The following FAM47B variants were observed in gnomAD, a reference collection of about 807,000 sequenced individuals.
The protein encoded by FAM47B is family with sequence similarity 47 member B.
For missense variants in FAM47B, 581 were observed against 550.1 expected (o/e 1.06, Z -0.56); for synonymous variants, 247 against 215.8 (o/e 1.14, Z -1.27).
At position 34,944,685 on chromosome X, in the gene FAM47B, C is replaced by T. The variant is rs761991298; in HGVS notation, c.1854C>T (p.Tyr618=). The change falls in exon 1 of 1, where the codon TAC becomes TAT. Residue 618 remains tyrosine (Y), a synonymous_variant. Coordinates refer to ENST00000329357, the MANE Select transcript of FAM47B (RefSeq NM_152631.3). ...TGTTTGCCAAGAAGGGATGGACTTA[C>T]GACTCTGTTAAGACTCCTATTCAAC... ...EKLFAKKGWT[Y]DSVKTPIQRA... The T allele has an allele frequency of 1.9e-5, 23 of 1,208,815 alleles. No individual in the cohort carries two copies. Among genetic ancestry groups the T allele is most frequent in the Middle Eastern group, 2.3e-4 (1 of 4,366 alleles).
Position 34,943,084 on chromosome X carries a change from G to A in FAM47B, c.253G>A (p.Gly85Ser), listed in dbSNP as rs189661576. The A allele has an allele frequency of 6.1e-4, 738 of 1,210,094 alleles. 6 individuals carry two copies. In the East Asian group the frequency reaches 0.02, roughly 33 times the overall value. The stretch of plus-strand genomic sequence containing the variant: ...TTTACTCCCCAAAATATCTCTCAGA[G>A]GTCCCCAAGCTGACCGCAAAAGCAG... ...EFLLPKISLR[G>S]PQADRKSRKK... is the part of the protein sequence containing the mutation. The change falls in exon 1 of 1, where the codon GGT becomes AGT. Residue 85 changes from glycine to serine, a missense_variant. Coordinates refer to ENST00000329357, the MANE Select transcript of FAM47B (RefSeq NM_152631.3).
chrX:34,944,870 A>T lies in FAM47B; in HGVS notation c.*101A>T, dbSNP rs963411302. Reference sequence around the variant, plus strand: ...GCCCCGTGAATGTACAACTTTGGCAACATCTGTAAATTCAATACCCAATGC... The same window carrying T: ...GCCCCGTGAATGTACAACTTTGGCATCATCTGTAAATTCAATACCCAATGC... On this transcript the variant is annotated 3_prime_UTR_variant, in exon 1 of 1. Transcript: ENST00000329357. 6.3e-6 allele frequency: 6 copies of T among 955,241 alleles called. No homozygotes were observed. The highest frequency in any genetic ancestry group is 8.5e-6 in the Non-Finnish European group (6 of 709,619). The allele number at this position is 955,241 out of a possible 1,213,427, so 78.7% of individuals were successfully genotyped here.
chrX:34,943,996 C>T lies in FAM47B; in HGVS notation c.1165C>T (p.Pro389Ser), dbSNP rs1204465707. 3 of 1,210,947 alleles carry T rather than the reference C, an allele frequency of 2.5e-6. No homozygotes were observed. Among genetic ancestry groups the T allele is most frequent in the East Asian group, 3.0e-5 (1 of 33,770 alleles). ...CCATTTTTGGGAATCCTGTCCGCGG[C>T]CTTTTGAGAGTCGGATGCCCCATCT... ...KYHFWESCPR[P>S]FESRMPHLRL... is the part of the protein sequence containing the mutation. Residue 389 changes from proline (P) to serine (S), a missense_variant, in exon 1 of 1, where the codon CCT becomes TCT. Transcript: ENST00000329357.
At position 34,943,712 on chromosome X, in the gene FAM47B, A is replaced by G; in HGVS notation, c.881A>G (p.His294Arg). 1 of 1,200,436 alleles carries G rather than the reference A, an allele frequency of 8.3e-7. No individual in the cohort carries two copies. The highest frequency in any genetic ancestry group is 1.1e-6 in the Non-Finnish European group (1 of 891,873). ...CPEPPETRVS[H>R]LHPEPPETGV... ...GAGCCTCCCGAGACTCGCGTATCTC[A>G]TCTCCACCCGGAGCCTCCTGAGACT... Residue 294 changes from histidine to arginine, a missense_variant, in exon 1 of 1, where the codon CAT becomes CGT. Coordinates refer to ENST00000329357, the MANE Select transcript of FAM47B (RefSeq NM_152631.3).
In FAM47B at chrX:34,944,621, T is replaced by C. The variant is rs1421136474; in HGVS notation, c.1790T>C (p.Leu597Pro). The C allele has an allele frequency of 8.3e-7, 1 of 1,209,779 alleles. No homozygotes were observed. The highest frequency in any genetic ancestry group is 1.1e-6 in the Non-Finnish European group (1 of 895,178). The stretch of plus-strand genomic sequence containing the variant: ...CCAATTGCCTTTAAGGATTTCATTC[T>C]AAGCAAGGGCTACAGAATGCCTGGC... ...YGPIAFKDFILSKGYRMPGVI... is the reference protein window; with the variant it reads ...YGPIAFKDFIPSKGYRMPGVI... Residue 597 changes from leucine (L) to proline (P), a missense_variant, in exon 1 of 1, where the codon CTA becomes CCA. Leu to Pro is a moderately conservative substitution (Grantham distance 98). Transcript: ENST00000329357.
In FAM47B at chrX:34,944,081, C is replaced by T; in HGVS notation, c.1250C>T (p.Thr417Ile). ...MASLCLKPPK[T>I]RRVSSLCPEP... is the part of the protein sequence containing the mutation. ...AGTCTCTGCCTGAAGCCTCCCAAGA[C>T]TCGTCGGGTGTCCAGTCTCTGCCCG... The change falls in exon 1 of 1, where the codon ACT becomes ATT. Residue 417 changes from threonine (T) to isoleucine (I), a missense_variant. Physicochemically the swap from Thr to Ile is moderately conservative, Grantham distance 89. Coordinates refer to ENST00000329357, the MANE Select transcript of FAM47B (RefSeq NM_152631.3). The T allele has an allele frequency of 8.3e-7, 1 of 1,201,719 alleles. No homozygotes were observed. Among genetic ancestry groups the T allele is most frequent in the Non-Finnish European group, 1.1e-6 (1 of 892,251 alleles).
chrX:34,944,773 G>T lies in FAM47B; in HGVS notation c.*4G>T, dbSNP rs1303859725. 5 of 1,138,643 alleles carry T rather than the reference G, an allele frequency of 4.4e-6. No homozygotes were observed. The highest frequency in any genetic ancestry group is 1.8e-5 in the African/African-American group (1 of 54,455). 93.8% of individuals were successfully genotyped at this position (1,138,643 alleles called of 1,213,427 possible). On this transcript the variant is annotated 3_prime_UTR_variant, in exon 1 of 1. Transcript: ENST00000329357. Reference sequence around the variant, plus strand: ...AGATGCATCAAAAGAAGATTAGATGGTTTTCAATTTACTGCTTAATTGGGT... The same window carrying T: ...AGATGCATCAAAAGAAGATTAGATGTTTTTCAATTTACTGCTTAATTGGGT...
Position 34,944,806 on chromosome X carries a change from G to A in FAM47B, c.*37G>A. The A allele has an allele frequency of 8.9e-7, 1 of 1,120,981 alleles. No homozygotes were observed. The highest frequency in any genetic ancestry group is 1.2e-6 in the Non-Finnish European group (1 of 849,673). 92.4% of individuals were successfully genotyped at this position (1,120,981 alleles called of 1,213,427 possible). ...TTTACTGCTTAATTGGGTATTTCTT[G>A]CTCTCATTCTAAACATCAATCAGAA... On this transcript the variant is annotated 3_prime_UTR_variant, in exon 1 of 1. Transcript: ENST00000329357.
rs769963911 is a variant in FAM47B, at chrX:34,942,870, A to G, written c.39A>G (p.Gln13=). Residue 13 remains glutamine (Q), a synonymous_variant, in exon 1 of 1, where the codon CAA becomes CAG. Coordinates refer to ENST00000329357, the MANE Select transcript of FAM47B (RefSeq NM_152631.3). ...DRRPQDRPRS[Q]GMDSKPWYCD... is the part of the protein sequence containing the mutation. ...GGCCACAGGACCGGCCAAGGTCCCA[A>G]GGCATGGACTCCAAGCCCTGGTACT... is the stretch of plus-strand genomic sequence containing the variant. 1.3e-5 allele frequency: 16 copies of G among 1,208,696 alleles called. No individual in the cohort carries two copies. Among genetic ancestry groups the G allele is most frequent in the Middle Eastern group, 2.3e-4 (1 of 4,363 alleles).
Position 34,944,847 on chromosome X carries a change from C to A in FAM47B, c.*78C>A. On this transcript the variant is annotated 3_prime_UTR_variant, in exon 1 of 1. Transcript: ENST00000329357. ...TCAATCAGAATTTATGATGACTGGC[C>A]CCGTGAATGTACAACTTTGGCAACA... 1 of 1,053,332 alleles carries A rather than the reference C, an allele frequency of 9.5e-7. No individual in the cohort carries two copies. Among genetic ancestry groups the A allele is most frequent in the Non-Finnish European group, 1.3e-6 (1 of 793,700 alleles). The allele number at this position is 1,053,332 out of a possible 1,213,427, so 86.8% of individuals were successfully genotyped here. A position where few individuals can be genotyped will look rare whatever the true frequency, so the allele number is the denominator to read the frequency against.
In FAM47B at chrX:34,944,415, G is replaced by T. The variant is rs765337699; in HGVS notation, c.1584G>T (p.Trp528Cys). The change falls in exon 1 of 1, where the codon TGG becomes TGT. Residue 528 changes from tryptophan to cysteine, a missense_variant. Coordinates refer to ENST00000329357, the MANE Select transcript of FAM47B (RefSeq NM_152631.3). Reference protein sequence around the residue: ...DEVEFLRIKYWDRRRRAAPHS... With the variant: ...DEVEFLRIKYCDRRRRAAPHS... ...TCGAATTCTTACGGATAAAATACTGGGACAGGAGACGCCGGGCGGCACCGC... is the reference window on the plus strand; with the variant it reads ...TCGAATTCTTACGGATAAAATACTGTGACAGGAGACGCCGGGCGGCACCGC... 1.7e-6 allele frequency: 2 copies of T among 1,211,762 alleles called. No homozygotes were observed. Among genetic ancestry groups the T allele is most frequent in the Non-Finnish European group, 2.2e-6 (2 of 895,493 alleles).
In FAM47B at chrX:34,943,790, G is replaced by T. The variant is rs1245528467; in HGVS notation, c.959G>T (p.Cys320Phe). ...TCCAAGACTCAGGTGTCCAGTCTCT[G>T]CCCGGAGCCTCCCGAGGCTGGAGTG... is the stretch of plus-strand genomic sequence containing the variant. ...EPSKTQVSSLCPEPPEAGVSH... is the reference protein window; with the variant it reads ...EPSKTQVSSLFPEPPEAGVSH... The change falls in exon 1 of 1, where the codon TGC (cysteine) becomes TTC (phenylalanine). Residue 320 changes from cysteine (C) to phenylalanine (F), a missense_variant. Transcript: ENST00000329357. The T allele has an allele frequency of 1.7e-6, 2 of 1,210,148 alleles. No homozygotes were observed. Among genetic ancestry groups the T allele is most frequent in the African/African-American group, 1.7e-5 (1 of 57,211 alleles).
In FAM47B at chrX:34,943,670, C is replaced by T. The variant is rs754680296; in HGVS notation, c.839C>T (p.Ala280Val). 1.2e-5 allele frequency: 14 copies of T among 1,201,134 alleles called. No individual in the cohort carries two copies. In the African/African-American group the frequency reaches 1.8e-4, roughly 16 times the overall value. ...SVHPEPPDTGASHLCPEPPET... is the reference protein window; with the variant it reads ...SVHPEPPDTGVSHLCPEPPET... ...CACCCAGAGCCTCCTGATACTGGAG[C>T]GTCCCATCTCTGCCCGGAGCCTCCC... Residue 280 changes from alanine (A) to valine (V), a missense_variant, in exon 1 of 1, where the codon GCG becomes GTG. Ala to Val is a moderately conservative substitution (Grantham distance 64). Coordinates refer to ENST00000329357, the MANE Select transcript of FAM47B (RefSeq NM_152631.3).
In FAM47B at chrX:34,942,923, C is replaced by T. The variant is rs1602051270; in HGVS notation, c.92C>T (p.Ala31Val). 2 of 1,211,980 alleles carry T rather than the reference C, an allele frequency of 1.7e-6. No individual in the cohort carries two copies. The highest frequency in any genetic ancestry group is 1.7e-5 in the African/African-American group (1 of 57,903). ...YCDKPPSKYF[A>V]KRKHRRLRFP... ...GACAAACCGCCTTCCAAGTACTTCG[C>T]GAAGCGCAAGCACAGGCGCCTGAGG... Residue 31 changes from alanine (A) to valine (V), a missense_variant, in exon 1 of 1, where the codon GCG (alanine) becomes GTG (valine). Ala to Val is a moderately conservative substitution (Grantham distance 64). Coordinates refer to ENST00000329357, the MANE Select transcript of FAM47B (RefSeq NM_152631.3).
Position 34,944,229 on chromosome X carries a change from C to T in FAM47B, c.1398C>T (p.Phe466=), listed in dbSNP as rs1284316128. 5.8e-6 allele frequency: 7 copies of T among 1,211,845 alleles called. No individual in the cohort carries two copies. In the Admixed American group the frequency reaches 8.7e-5, roughly 15 times the overall value. ...RRHTSRKLRD[F]KWAGDLGVNE... The stretch of plus-strand genomic sequence containing the variant: ...ACACATCGAGAAAACTCCGTGACTT[C>T]AAGTGGGCTGGAGACCTAGGAGTTA... Residue 466 remains phenylalanine, a synonymous_variant, in exon 1 of 1, where the codon TTC becomes TTT. Coordinates refer to ENST00000329357, the MANE Select transcript of FAM47B (RefSeq NM_152631.3).
rs759680890 is a variant in FAM47B, at chrX:34,944,705, T to C, written c.1874T>C (p.Ile625Thr). ...ACTTACGACTCTGTTAAGACTCCTA[T>C]TCAACGTGCAGTGCAAGTTTACAAG... ...GWTYDSVKTP[I>T]QRAVQVYKYK... is the part of the protein sequence containing the mutation. Residue 625 changes from isoleucine to threonine, a missense_variant, in exon 1 of 1, where the codon ATT becomes ACT. Coordinates refer to ENST00000329357, the MANE Select transcript of FAM47B (RefSeq NM_152631.3). 1.3e-5 allele frequency: 16 copies of C among 1,198,184 alleles called. No homozygotes were observed. In the East Asian group the frequency reaches 2.7e-4, roughly 20 times the overall value.
Position 34,943,500 on chromosome X carries a change from C to T in FAM47B, c.669C>T (p.Leu223=), listed in dbSNP as rs1293129315. ...CTCCCAAGACTCGGGTGTCCAGTCT[C>T]CGCCCAGAGCCTCCCAAGACTCGGG... ...PEPPKTRVSS[L]RPEPPKTRVS... is the part of the protein sequence containing the mutation. Residue 223 remains leucine, a synonymous_variant, in exon 1 of 1, where the codon CTC becomes CTT. Coordinates refer to ENST00000329357, the MANE Select transcript of FAM47B (RefSeq NM_152631.3). The T allele has an allele frequency of 6.6e-6, 8 of 1,211,212 alleles. No homozygotes were observed. In the Admixed American group the frequency reaches 1.7e-4, roughly 26 times the overall value.
At position 34,944,592 on chromosome X, in the gene FAM47B, T is replaced by C. The variant is rs147094583; in HGVS notation, c.1761T>C (p.Tyr587=). The part of the protein sequence containing the change: ...PDEPDILDGL[Y]GPIAFKDFIL... ...AACCCGACATTCTTGACGGTCTTTA[T>C]GGACCAATTGCCTTTAAGGATTTCA... Residue 587 remains tyrosine (Y), a synonymous_variant, in exon 1 of 1, where the codon TAT becomes TAC. Coordinates refer to ENST00000329357, the MANE Select transcript of FAM47B (RefSeq NM_152631.3). 7.4e-6 allele frequency: 9 copies of C among 1,208,339 alleles called. No homozygotes were observed. In the African/African-American group the frequency reaches 1.6e-4, roughly 21 times the overall value.
rs770341087 is a variant in FAM47B, at chrX:34,943,989, T to C, written c.1158T>C (p.Cys386=). 8.3e-7 allele frequency: 1 copy of C among 1,209,983 alleles called. No homozygotes were observed. Among genetic ancestry groups the C allele is most frequent in the Non-Finnish European group, 1.1e-6 (1 of 895,130 alleles). ...GTAAATACCATTTTTGGGAATCCTG[T>C]CCGCGGCCTTTTGAGAGTCGGATGC... The part of the protein sequence containing the change: ...KPGKYHFWES[C]PRPFESRMPH... The change falls in exon 1 of 1, where the codon TGT becomes TGC. Residue 386 remains cysteine (C), a synonymous_variant. Coordinates refer to ENST00000329357, the MANE Select transcript of FAM47B (RefSeq NM_152631.3).
Sources: allele counts gnomAD v4.1 joint callset, GRCh38; gene constraint gnomAD v4.1.1; transcripts MANE v1.5; gene names NCBI Gene and HGNC (gene_info 2026-07-23, HGNC 2026-07-21).